MXI1: variants seen among roughly 807,000 people sequenced by gnomAD.
The protein encoded by MXI1 is MAX interactor 1, dimerization protein, also known as max-interacting protein 1.
Under a neutral mutation model 36.9 loss-of-function variants are expected in MXI1, and 18 were observed. The observed-to-expected ratio is 0.49, with a 90% CI of 0.34 to 0.72. The LOEUF is 0.72. Among genes scored for constraint, MXI1 ranks in the 30% least tolerant of loss-of-function variants. The pLI is 0.01. For synonymous variants in MXI1, 160 were observed against 146.7 expected, an observed-to-expected ratio of 1.09 and a Z score of -0.65; for missense variants, 304 against 379.1, an observed-to-expected ratio of 0.80 and a Z score of 1.64.
intron 1 of MXI1, chr10:110,208,482 G>C (rs930856465): frequency 5.3e-5 from 8 of 150,198 alleles, no homozygotes; most frequent in African/African-American, 2.2e-4. Flanking sequence ...TCTGTTGCTC[G>C]TTCCTGGGTG....
chr10:110,257,071 A>G (rs1856326902), intron 3 of MXI1: 1 of 152,194 alleles, frequency 6.6e-6, no homozygotes, highest in African/African-American at 2.4e-5. Flanking sequence ...AAAATAACAA[A>G]CATAAAGGGA....
Position 110,259,839 on chromosome 10 carries a change from A to AG in MXI1, c.437+14984dup, listed in dbSNP as rs560251780. ...TAGTGAAAAACTTTAGGTCTAAACT[A>AG]GGATTCAGTAATGACAACAGAATTT... On this transcript the variant is annotated intron_variant, in intron 3 of 5. Transcript: ENST00000332674. Among the ~76,000 whole-genome samples the AG allele has an allele frequency of 7.9e-5, 12 of 152,228 alleles. No homozygotes were observed. The East Asian group carries it at 2.3e-3, about 29-fold the overall frequency.
At chr10:110,273,882 G>A (rs982279119) in intron 3 of MXI1, among the ~76,000 whole-genome samples, 4 of 152,158 alleles carry the variant, frequency 2.6e-5, no homozygotes, top group South Asian at 2.1e-4. Flanking sequence ...GGGGCCAGGC[G>A]GGGGTTAGAT....
intron 1 of MXI1, chr10:110,210,294 C>T (rs1326438725): frequency 1.0e-6 from 1 of 985,032 alleles, no homozygotes; most frequent in Non-Finnish European, 1.2e-6. Flanking sequence ...AACCTTAGCA[C>T]CCAAGTCTAA....
chr10:110,232,655 A>G (rs907672195), intron 2 of MXI1, among the ~76,000 whole-genome samples: 2 of 152,184 alleles, frequency 1.3e-5, no homozygotes, highest in Non-Finnish European at 2.9e-5. Flanking sequence ...CGTAAATAGT[A>G]TGTGTTTCTT....
At chr10:110,219,438 G>A (rs146487969) in intron 1 of MXI1, among the ~76,000 whole-genome samples, 1 of 152,250 alleles carries the variant, frequency 6.6e-6, no homozygotes, top group African/African-American at 2.4e-5. Context: ...CATCATTGCC[G>A]TTCGGAGTGA....
intron 1 of MXI1, chr10:110,227,259 G>A: frequency 1.3e-5 from 11 of 851,400 alleles, no homozygotes; most frequent in Non-Finnish European, 1.5e-5. Context: ...GGGCGTGTGC[G>A]GGAAGGGCGT....
chr10:110,248,034 T>C (rs113510773), intron 3 of MXI1, among the ~76,000 whole-genome samples: 7,992 of 152,298 alleles, frequency 0.052, 321 homozygotes, highest in Middle Eastern at 0.15. Flanking sequence ...GATGAGTTCA[T>C]GTCCTTTGTA....
At chr10:110,228,667 A>G in intron 2 of MXI1, among the ~76,000 whole-genome samples, 1 of 125,868 alleles carries the variant, frequency 7.9e-6, no homozygotes, top group African/African-American at 2.5e-5. Context: ...CAAGAAGATT[A>G]AAAAAAAAAT....
chr10:110,232,251 C>T (rs994693753), intron 2 of MXI1, among the ~76,000 whole-genome samples: 3 of 152,184 alleles, frequency 2.0e-5, no homozygotes, highest in African/African-American at 7.2e-5. Context: ...TGACCCACCG[C>T]ACTTGGCCAG....
At chr10:110,224,613 G>C (rs902750372) in intron 1 of MXI1, among the ~76,000 whole-genome samples, 1 of 151,266 alleles carries the variant, frequency 6.6e-6, no homozygotes, top group African/African-American at 2.4e-5. Flanking sequence ...AAAGAGAGTG[G>C]CCATGAATGA....
rs1248730548 is a variant in MXI1, at chr10:110,287,089, T to C, written c.*2102T>C. On this transcript the variant is annotated 3_prime_UTR_variant, in exon 6 of 6. Transcript: ENST00000332674. ...GCCAGTGACTAAGCTTCTGTTTGTT[T>C]TGTTATTCTCATGGCCTTCGCTTGC... is the stretch of plus-strand genomic sequence containing the variant. The C allele has an allele frequency of 6.6e-6, 1 of 152,222 alleles. No individual in the cohort carries two copies. Among genetic ancestry groups the C allele is most frequent in the Admixed American group, 6.5e-5 (1 of 15,284 alleles). The allele number at this position is 152,222 out of a possible 1,614,324, so 9.4% of individuals were successfully genotyped here.
intron 3 of MXI1, among the ~76,000 whole-genome samples, chr10:110,253,122 G>T (rs544161307): frequency 6.6e-6 from 1 of 152,146 alleles, no homozygotes; most frequent in East Asian, 1.9e-4. Context: ...CTTGAAAATG[G>T]TAAGCATTTT....
intron 3 of MXI1, among the ~76,000 whole-genome samples, chr10:110,258,762 A>T (rs1464674225): frequency 6.6e-6 from 1 of 152,178 alleles, no homozygotes; most frequent in Non-Finnish European, 1.5e-5. Flanking sequence ...AAAATTACAC[A>T]TCTAAAATGC....
chr10:110,227,536 G>A (rs1439164502), intron 1 of MXI1: 1 of 987,062 alleles, frequency 1.0e-6, no homozygotes, highest in African/African-American at 1.8e-5. Context: ...CCCCGGAGCG[G>A]GAGAGGGTGC....
At chr10:110,227,599 G>A in intron 1 of MXI1, 3 of 932,902 alleles carry the variant, frequency 3.2e-6, no homozygotes, top group Non-Finnish European at 3.8e-6. Context: ...CAGGGGAAGG[G>A]ACGAGGCCGG....
intron 3 of MXI1, among the ~76,000 whole-genome samples, chr10:110,246,001 A>G (rs867024684): frequency 6.6e-6 from 1 of 152,144 alleles, no homozygotes; most frequent in Non-Finnish European, 1.5e-5. Context: ...TTGTAAGAGT[A>G]AAATACTTTC....
chr10:110,261,227 C>A, intron 3 of MXI1: 1 of 734,300 alleles, frequency 1.4e-6, no homozygotes, highest in Non-Finnish European at 1.7e-6. Context: ...CTTTGATAAT[C>A]TGCCAAGCCC....
intron 2 of MXI1, among the ~76,000 whole-genome samples, chr10:110,229,336 C>G (rs1855175043): frequency 6.6e-6 from 1 of 152,080 alleles, no homozygotes. Flanking sequence ...CAGAGCAATC[C>G]CTGGGTAACC....
Sources: gnomAD v4.1 joint callset for allele counts (sites outside exome capture counted in the v4.1 genomes callset) on GRCh38, gnomAD v4.1.1 for gene constraint, MANE v1.5 for transcripts, NCBI Gene and HGNC (gene_info 2026-07-23, HGNC 2026-07-21) for gene names.